The following PATJ variants were observed in gnomAD, a reference collection of about 807,000 sequenced individuals.
PATJ encodes the protein inaD-like protein.
Under a neutral mutation model 224.9 loss-of-function variants are expected in PATJ, and 190 were observed. The ratio of observed to expected loss-of-function variants is 0.84; its 90% CI spans 0.75 to 0.95. The LOEUF is 0.95. Among genes scored for constraint, PATJ ranks in the 40% least tolerant of loss-of-function variants. The pLI, the probability that PATJ is intolerant of heterozygous loss-of-function variation, is 0.00. For missense variants in PATJ, 2,121 were observed against 2,270.3 expected, an observed-to-expected ratio of 0.93 and a Z score of 1.34; for synonymous variants, 769 against 820.3, an observed-to-expected ratio of 0.94 and a Z score of 1.07.
At chr1:61,996,137 A>C (rs1645339989) in intron 28 of PATJ, among the ~76,000 whole-genome samples, 1 of 152,230 alleles carries the variant, frequency 6.6e-6, no homozygotes. Flanking sequence ...GTGTAAAATG[A>C]TATTTAAGAA....
intron 18 of PATJ, among the ~76,000 whole-genome samples, chr1:61,858,932 G>A (rs1664130868): frequency 6.6e-6 from 1 of 152,146 alleles, no homozygotes; most frequent in African/African-American, 2.4e-5. Context: ...TTTGGTGTGG[G>A]TATTGCCGTG....
chr1:62,066,062 T>C (rs985827443), intron 31 of PATJ, among the ~76,000 whole-genome samples: 1 of 152,218 alleles, frequency 6.6e-6, no homozygotes, highest in Non-Finnish European at 1.5e-5. Flanking sequence ...CAAGTTTGTA[T>C]TGAGGGCCAG....
intron 30 of PATJ, among the ~76,000 whole-genome samples, chr1:62,041,316 C>G (rs775294235): frequency 6.6e-6 from 1 of 152,184 alleles, no homozygotes; most frequent in Non-Finnish European, 1.5e-5. Context: ...TTTCCTGCAT[C>G]TGCTTCTTCC....
chr1:61,991,343 A>T (rs1011588777), intron 28 of PATJ: 3 of 218,332 alleles, frequency 1.4e-5, no homozygotes, highest in African/African-American at 7.0e-5. Flanking sequence ...TTTGTAAACC[A>T]TTGTGCTTTA....
At chr1:61,839,932 A>G (rs35147183) in intron 17 of PATJ, among the ~76,000 whole-genome samples, 5,174 of 152,174 alleles carry the variant, frequency 0.034, 123 homozygotes, top group South Asian at 0.082. Flanking sequence ...GGTGATTCAT[A>G]TGTAAATACT....
chr1:62,076,535 C>T (rs1419152618), intron 31 of PATJ, among the ~76,000 whole-genome samples: 2 of 152,156 alleles, frequency 1.3e-5, no homozygotes, highest in African/African-American at 4.8e-5. Flanking sequence ...CCACACATAC[C>T]GACAACTGGA....
intron 14 of PATJ, among the ~76,000 whole-genome samples, chr1:61,820,934 A>C (rs1657128597): frequency 6.6e-6 from 1 of 152,176 alleles, no homozygotes; most frequent in Non-Finnish European, 1.5e-5. Context: ...CATGACACTA[A>C]TATCTCCTTA....
At chr1:61,797,878 C>A (rs574502708) in intron 11 of PATJ, among the ~76,000 whole-genome samples, 1 of 151,946 alleles carries the variant, frequency 6.6e-6, no homozygotes, top group East Asian at 1.9e-4. Flanking sequence ...TCTTGGCTTA[C>A]TGCAACCTCT....
At chr1:61,959,426 T>TATATATATATATA (rs371038532) in intron 27 of PATJ, among the ~76,000 whole-genome samples, 7 of 99,682 alleles carry the variant, frequency 7.0e-5, no homozygotes, top group African/African-American at 1.8e-4. Context: ...ATATAATATA[T>TATATATATATATA]TTTTTTTCTT....
chr1:61,978,295 C>T lies in PATJ; in HGVS notation c.3671-11873C>T, dbSNP rs536717450. Among the ~76,000 whole-genome samples, 54 of 126,438 alleles carry T rather than the reference C, an allele frequency of 4.3e-4. 1 individual carries two copies. Among genetic ancestry groups the T allele is most frequent in the East Asian group, 5.8e-4 (2 of 3,438 alleles). The allele number at this position is 126,438 out of a possible 152,430, so 82.9% of individuals were successfully genotyped here. ...CTTTCTTTTTTTTGACAGAGTTTTT[C>T]GCTCTTGTTGCCTAGGCTGGAGTGC... On this transcript the variant is annotated intron_variant, in intron 27 of 43. Transcript: ENST00000642238.
At chr1:61,972,719 A>G (rs967501429) in intron 27 of PATJ, among the ~76,000 whole-genome samples, 2 of 152,084 alleles carry the variant, frequency 1.3e-5, no homozygotes, top group African/African-American at 4.8e-5. Flanking sequence ...AATACTTTAC[A>G]TTCTTTAATT....
chr1:61,811,494 G>A (rs529817005), intron 14 of PATJ, among the ~76,000 whole-genome samples: 9 of 151,862 alleles, frequency 5.9e-5, no homozygotes, highest in Admixed American at 1.3e-4. Context: ...AAAGTGCTGG[G>A]ATTACAGGTG....
chr1:61,881,813 T>C (rs908892278), intron 21 of PATJ, among the ~76,000 whole-genome samples: 1 of 152,196 alleles, frequency 6.6e-6, no homozygotes, highest in Non-Finnish European at 1.5e-5. Flanking sequence ...TCACTGAAGA[T>C]GTTTAATCAG....
intron 1 of PATJ, among the ~76,000 whole-genome samples, chr1:61,751,407 A>G (rs998412877): frequency 1.3e-5 from 2 of 152,170 alleles, no homozygotes; most frequent in African/African-American, 4.8e-5. Context: ...AGTGAATAGT[A>G]TGAATGCCCA....
At position 62,096,168 on chromosome 1, in the gene PATJ, A is replaced by G. The variant is rs932964362; in HGVS notation, c.4377+11520A>G. Among the ~76,000 whole-genome samples the G allele has an allele frequency of 2.6e-5, 4 of 152,338 alleles. No individual in the cohort carries two copies. The East Asian group carries it at 7.7e-4, about 29-fold the overall frequency. ...CTATGCAGCTGGCAAGCAAAACAAC[A>G]TGAAACAAGAAGTATGGGAACTGAA... On this transcript the variant is annotated intron_variant, in intron 33 of 43. Coordinates refer to ENST00000642238, the MANE Select transcript of PATJ (RefSeq NM_001350145.3).
At chr1:62,014,840 T>C (rs1196798309) in intron 28 of PATJ, among the ~76,000 whole-genome samples, 2 of 152,138 alleles carry the variant, frequency 1.3e-5, no homozygotes, top group African/African-American at 4.8e-5. Flanking sequence ...GTGCTAGGAT[T>C]ACAGCTGTGA....
At chr1:61,832,464 G>A (rs1157499578) in intron 16 of PATJ, among the ~76,000 whole-genome samples, 6 of 152,058 alleles carry the variant, frequency 3.9e-5, no homozygotes, top group Non-Finnish European at 8.8e-5. Context: ...TCAAAATTAT[G>A]TGTGTAGAGA....
intron 33 of PATJ, among the ~76,000 whole-genome samples, chr1:62,088,148 C>T (rs551383112): frequency 1.2e-3 from 182 of 152,218 alleles, no homozygotes; most frequent in African/African-American, 4.3e-3. Flanking sequence ...GCCTCAGCCT[C>T]CCAAAGTGCT....
At chr1:61,866,110 C>G (rs556040221) in intron 20 of PATJ, among the ~76,000 whole-genome samples, 1 of 152,312 alleles carries the variant, frequency 6.6e-6, no homozygotes, top group Non-Finnish European at 1.5e-5. Flanking sequence ...TTGGTACTTT[C>G]TATATTTGCC....
Sources: allele counts gnomAD v4.1 joint callset (sites outside exome capture counted in the v4.1 genomes callset), GRCh38; gene constraint gnomAD v4.1.1; transcripts MANE v1.5; gene names NCBI Gene and HGNC (gene_info 2026-07-23, HGNC 2026-07-21).